SCYL2: variants seen among roughly 807,000 people sequenced by gnomAD.
SCYL2 encodes the protein SCY1-like protein 2.
A neutral mutation model predicts 100.4 loss-of-function variants in SCYL2; 36 were observed. The observed-to-expected ratio is 0.36, with a 90% CI of 0.27 to 0.47. The LOEUF is 0.47. SCYL2 is among the 20% of genes least tolerant of loss of function. The pLI is 1.00. For missense variants in SCYL2, 902 were observed against 1,083.9 expected (o/e 0.83, Z 2.36); for synonymous variants, 330 against 359.2 (o/e 0.92, Z 0.92).
chr12:100,319,364 G>T lies in SCYL2; in HGVS notation c.1395+1439G>T. The T allele has an allele frequency of 9.5e-6, 4 of 421,600 alleles. No homozygotes were observed. In the Middle Eastern group the frequency reaches 1.4e-3, roughly 145 times the overall value. 26.1% of individuals were successfully genotyped at this position (421,600 alleles called of 1,614,324 possible). A position where few individuals can be genotyped will look rare whatever the true frequency, so the allele number is the denominator to read the frequency against. ...CTCACAAAACATTCCCACAGGCTCT[G>T]TGCAGCCAAACTTGTTTTATATTTA... is the stretch of plus-strand genomic sequence containing the variant. On this transcript the variant is annotated intron_variant, in intron 10 of 17. Transcript: ENST00000360820.
chr12:100,269,820 C>T (rs1200200844), intron 1 of SCYL2, among the ~76,000 whole-genome samples: 1 of 152,100 alleles, frequency 6.6e-6, no homozygotes, highest in East Asian at 1.9e-4. Flanking sequence ...ATATACTTCA[C>T]CTTTATAGGT....
chr12:100,294,202 G>C (rs2096314334), intron 3 of SCYL2, among the ~76,000 whole-genome samples: 1 of 145,704 alleles, frequency 6.9e-6, no homozygotes, highest in African/African-American at 2.5e-5. Flanking sequence ...TGGCCAGGCG[G>C]GGGGGTGACC....
At chr12:100,310,466 G>T (rs974648103) in intron 4 of SCYL2, among the ~76,000 whole-genome samples, 1 of 152,188 alleles carries the variant, frequency 6.6e-6, no homozygotes, top group African/African-American at 2.4e-5. Flanking sequence ...CTGGAAGTCA[G>T]TGTGCATTGG....
chr12:100,279,953 C>T (rs2096296330), intron 1 of SCYL2, among the ~76,000 whole-genome samples: 1 of 152,206 alleles, frequency 6.6e-6, no homozygotes, highest in South Asian at 2.1e-4. Context: ...TATCTCAGAA[C>T]TTTCATCTAC....
At chr12:100,334,697 A>G (rs1952253693) in intron 14 of SCYL2, among the ~76,000 whole-genome samples, 1 of 151,984 alleles carries the variant, frequency 6.6e-6, no homozygotes. Context: ...TTCATTTCAT[A>G]TTTAGCATCA....
At chr12:100,270,724 C>G (rs1447903529) in intron 1 of SCYL2, among the ~76,000 whole-genome samples, 1 of 151,558 alleles carries the variant, frequency 6.6e-6, no homozygotes, top group Non-Finnish European at 1.5e-5. Context: ...ATCCTCCTGC[C>G]TTGGCCTCCC....
chr12:100,318,031 T>G, intron 10 of SCYL2, 106 bp downstream of exon 10: 1 of 955,082 alleles, frequency 1.0e-6, no homozygotes, highest in South Asian at 2.4e-5. Context: ...CATAACTCAA[T>G]AGTAAATATA....
intron 3 of SCYL2, among the ~76,000 whole-genome samples, chr12:100,292,750 T>G (rs2096312093): frequency 6.6e-6 from 1 of 152,210 alleles, no homozygotes; most frequent in South Asian, 2.1e-4. Context: ...ATTTTGTCAT[T>G]CTGATTCCTG....
intron 7 of SCYL2, among the ~76,000 whole-genome samples, chr12:100,314,198 T>G (rs1338228104): frequency 6.6e-6 from 1 of 152,234 alleles, no homozygotes; most frequent in African/African-American, 2.4e-5. Context: ...TTTTAACTAA[T>G]AACTGGTATT....
At chr12:100,269,000 C>T (rs563033890) in intron 1 of SCYL2, among the ~76,000 whole-genome samples, 1 of 152,314 alleles carries the variant, frequency 6.6e-6, no homozygotes, top group South Asian at 2.1e-4. Flanking sequence ...CTGACTACTT[C>T]CGTAGCCTCC....
intron 1 of SCYL2, among the ~76,000 whole-genome samples, chr12:100,277,158 A>G (rs942516860): frequency 6.6e-6 from 1 of 152,230 alleles, no homozygotes; most frequent in African/African-American, 2.4e-5. Context: ...TCATAGCCCA[A>G]CATATAGTTC....
At chr12:100,306,678 A>T (rs1323188395) in intron 4 of SCYL2, among the ~76,000 whole-genome samples, 1 of 152,226 alleles carries the variant, frequency 6.6e-6, no homozygotes, top group East Asian at 1.9e-4. Flanking sequence ...AATAAAGGGT[A>T]TTCAGATAGG....
intron 4 of SCYL2, among the ~76,000 whole-genome samples, chr12:100,305,150 GGC>G (rs2096332725): frequency 1.3e-5 from 2 of 152,088 alleles, no homozygotes; most frequent in African/African-American, 2.4e-5. Flanking sequence ...TGGACTAAGT[GGC>G]CCAAATAAAC....
chr12:100,309,744 T>C (rs1379518453), intron 4 of SCYL2, among the ~76,000 whole-genome samples: 5 of 152,302 alleles, frequency 3.3e-5, no homozygotes, highest in African/African-American at 1.2e-4. Context: ...CAAATGAGTA[T>C]ACAAACATCT....
intron 11 of SCYL2, among the ~76,000 whole-genome samples, chr12:100,326,333 G>C (rs2096361775): frequency 6.6e-6 from 1 of 152,090 alleles, no homozygotes; most frequent in Non-Finnish European, 1.5e-5. Context: ...ACATAATGTA[G>C]TAAAAGTTTC....
chr12:100,321,502 T>TATTCCCAGAATTTGCCA (rs1161533202), intron 10 of SCYL2, among the ~76,000 whole-genome samples: 1 of 152,186 alleles, frequency 6.6e-6, no homozygotes, highest in Non-Finnish European at 1.5e-5. Flanking sequence ...GTTTTCCTGT[T>TATTCCCAGAATTTGCCA]ATTCCCAGAA....
At position 100,335,879 on chromosome 12, in the gene SCYL2, G is replaced by T; in HGVS notation, c.1998G>T (p.Glu666Asp). ...CTGGCAGTGAGTCCGAAAATAAAGA[G>T]GACGGGTTACAGAATAAACATAAAA... is the stretch of plus-strand genomic sequence containing the variant. ...LLTGSESENK[E>D]DGLQNKHKRA... Residue 666 changes from glutamate (E) to aspartate (D), a missense_variant, in exon 16 of 18, where the codon GAG becomes GAT. Coordinates refer to ENST00000360820, the MANE Select transcript of SCYL2 (RefSeq NM_017988.6). The T allele has an allele frequency of 6.2e-7, 1 of 1,612,998 alleles. No homozygotes were observed. The highest frequency in any genetic ancestry group is 8.5e-7 in the Non-Finnish European group (1 of 1,179,140).
At chr12:100,271,395 G>T (rs540508175) in intron 1 of SCYL2, among the ~76,000 whole-genome samples, 5 of 151,734 alleles carry the variant, frequency 3.3e-5, no homozygotes, top group Admixed American at 2.6e-4. Flanking sequence ...GTATTTAACC[G>T]TATTTCATGT....
intron 3 of SCYL2, among the ~76,000 whole-genome samples, chr12:100,293,879 A>C (rs979022111): frequency 1.3e-5 from 2 of 152,310 alleles, no homozygotes; most frequent in South Asian, 2.1e-4. Flanking sequence ...CCAAGGCAGA[A>C]GAATTTTTCT....
Sources: allele counts gnomAD v4.1 joint callset (sites outside exome capture counted in the v4.1 genomes callset), GRCh38; gene constraint gnomAD v4.1.1; transcripts MANE v1.5; gene names NCBI Gene and HGNC (gene_info 2026-07-23, HGNC 2026-07-21).